Variants in AUTS2 observed in about 807,000 individuals in gnomAD.
AUTS2 encodes autism susceptibility gene 2 protein.
In AUTS2, 17 loss-of-function variants were observed where a neutral mutation model predicts 112.4. That is an observed-to-expected ratio of 0.15 (90% CI 0.10 to 0.23). The LOEUF (loss-of-function observed/expected upper bound fraction) is 0.23, where lower values mean the gene tolerates loss of function less well. Ranked by LOEUF, AUTS2 falls within the 10% of genes least tolerant of loss-of-function variation. AUTS2 has a pLI of 1.00. For missense variants in AUTS2, 1,510 were observed against 1,701.6 expected, an observed-to-expected ratio of 0.89 and a Z score of 1.98; for synonymous variants, 751 against 702.7, an observed-to-expected ratio of 1.07 and a Z score of -1.09.
chr7:70,249,764 T>C (rs1032656758), intron 4 of AUTS2, among the ~76,000 whole-genome samples: 10 of 151,912 alleles, frequency 6.6e-5, no homozygotes, highest in East Asian at 3.9e-4. Flanking sequence ...GTGGATTAGA[T>C]ACATGCAGGT....
At chr7:69,842,713 G>A (rs1008566334) in intron 1 of AUTS2, among the ~76,000 whole-genome samples, 1 of 152,122 alleles carries the variant, frequency 6.6e-6, no homozygotes, top group African/African-American at 2.4e-5. Context: ...TTTTCACTGG[G>A]ACTATTCTTT....
intron 1 of AUTS2, among the ~76,000 whole-genome samples, chr7:69,786,216 C>A (rs1197275364): frequency 6.6e-6 from 1 of 152,070 alleles, no homozygotes; most frequent in Admixed American, 6.6e-5. Flanking sequence ...TGTAGAAATG[C>A]AGCAATCAGC....
intron 7 of AUTS2, 144 bp from the exon 8 acceptor site, chr7:70,764,608 C>A: frequency 1.6e-6 from 1 of 618,064 alleles, no homozygotes; most frequent in Non-Finnish European, 2.9e-6. Context: ...AGAAAGTGTG[C>A]TCGTACAGGG....
chr7:70,571,308 T>C (rs187852517), intron 5 of AUTS2, among the ~76,000 whole-genome samples: 343 of 152,216 alleles, frequency 2.3e-3, no homozygotes, highest in African/African-American at 7.9e-3. Context: ...GCTTTATAGG[T>C]TGTTGGGAGG....
intron 1 of AUTS2, among the ~76,000 whole-genome samples, chr7:69,648,272 T>TA (rs1297081136): frequency 6.6e-6 from 1 of 152,130 alleles, no homozygotes; most frequent in Non-Finnish European, 1.5e-5. Flanking sequence ...GTATGAGTGA[T>TA]ATACAGAAGA....
At chr7:70,300,103 G>A (rs911941746) in intron 4 of AUTS2, among the ~76,000 whole-genome samples, 6 of 152,150 alleles carry the variant, frequency 3.9e-5, no homozygotes, top group African/African-American at 1.4e-4. Context: ...TTTAGAGGTA[G>A]GTAAAACATA....
At chr7:70,440,166 T>G (rs900585466) in intron 5 of AUTS2, among the ~76,000 whole-genome samples, 2 of 150,296 alleles carry the variant, frequency 1.3e-5, no homozygotes, top group African/African-American at 2.5e-5. Context: ...CAAAGTGGGC[T>G]CTTGTCTTTG....
At chr7:69,628,739 A>G (rs1743409418) in intron 1 of AUTS2, among the ~76,000 whole-genome samples, 2 of 152,160 alleles carry the variant, frequency 1.3e-5, no homozygotes, top group Non-Finnish European at 2.9e-5. Context: ...TCACGAGAAC[A>G]GCAGCAAATG....
intron 1 of AUTS2, among the ~76,000 whole-genome samples, chr7:69,813,470 C>G (rs951351458): frequency 6.6e-6 from 1 of 152,158 alleles, no homozygotes; most frequent in African/African-American, 2.4e-5. Flanking sequence ...TGCCTGCCCC[C>G]CATTGGATAG....
chr7:70,112,341 A>G (rs1298506395), intron 2 of AUTS2, among the ~76,000 whole-genome samples: 1 of 151,974 alleles, frequency 6.6e-6, no homozygotes, highest in East Asian at 1.9e-4. Flanking sequence ...TAATTTTTAC[A>G]TTTTGAAATT....
chr7:69,899,790 C>T (rs1794900831), intron 2 of AUTS2, among the ~76,000 whole-genome samples: 1 of 152,150 alleles, frequency 6.6e-6, no homozygotes, highest in Non-Finnish European at 1.5e-5. Context: ...TAACAGTTGT[C>T]AAGATGGACT....
chr7:70,111,847 CTG>C (rs1164116955), intron 2 of AUTS2, among the ~76,000 whole-genome samples: 1 of 151,984 alleles, frequency 6.6e-6, no homozygotes, highest in Non-Finnish European at 1.5e-5. Flanking sequence ...AGAAATTTAT[CTG>C]TTTTTTATTT....
intron 2 of AUTS2, among the ~76,000 whole-genome samples, chr7:70,064,510 G>A (rs569803388): frequency 6.6e-6 from 1 of 152,308 alleles, no homozygotes; most frequent in Admixed American, 6.5e-5. Flanking sequence ...CAAAACTGCT[G>A]TCTGTCATTT....
At chr7:70,466,577 G>A (rs1797173860) in intron 5 of AUTS2, among the ~76,000 whole-genome samples, 1 of 152,148 alleles carries the variant, frequency 6.6e-6, no homozygotes, top group South Asian at 2.1e-4. Context: ...TTCCTGCGAT[G>A]GTTAAGGTTT....
chr7:70,514,674 C>T (rs765850101), intron 5 of AUTS2, among the ~76,000 whole-genome samples: 1 of 152,166 alleles, frequency 6.6e-6, no homozygotes, highest in Non-Finnish European at 1.5e-5. Context: ...ACATCCAAAG[C>T]GTATCATGGG....
chr7:70,070,716 A>C (rs1802720027), intron 2 of AUTS2, among the ~76,000 whole-genome samples: 1 of 151,682 alleles, frequency 6.6e-6, no homozygotes, highest in Admixed American at 6.6e-5. Flanking sequence ...AATACAAAAA[A>C]TTAGCCGAGC....
chr7:70,766,056 G>T lies in AUTS2; in HGVS notation c.1469-58G>T. On this transcript the variant is annotated intron_variant, in intron 8 of 18. Transcript: ENST00000342771. This position sits in a 1 kb window ranked among gnomAD's most constrained non-coding sequence, Gnocchi z 4.8. ...CCCCGTACCCCTCCACAGGAAGGCA[G>T]TCCGATGTCCTTTTCTGAAGGAAAA... The T allele has an allele frequency of 1.9e-6, 3 of 1,578,256 alleles. No homozygotes were observed. Among genetic ancestry groups the T allele is most frequent in the Middle Eastern group, 1.7e-4 (1 of 5,846 alleles).
intron 5 of AUTS2, among the ~76,000 whole-genome samples, chr7:70,638,459 T>A (rs1178438821): frequency 1.3e-5 from 2 of 152,192 alleles, no homozygotes; most frequent in Non-Finnish European, 2.9e-5. Context: ...AAACTTTGCC[T>A]CATCAAGTCA....
At chr7:69,651,429 A>G (rs1795282486) in intron 1 of AUTS2, among the ~76,000 whole-genome samples, 1 of 152,190 alleles carries the variant, frequency 6.6e-6, no homozygotes, top group Non-Finnish European at 1.5e-5. Context: ...GGAACTAGTC[A>G]TTTCTGGATT....
Sources: gnomAD v4.1 joint callset for allele counts (sites outside exome capture counted in the v4.1 genomes callset) on GRCh38, gnomAD v4.1.1 for gene constraint, Gnocchi (gnomAD v3.1) non-coding constraint, MANE v1.5 for transcripts, NCBI Gene and HGNC (gene_info 2026-07-23, HGNC 2026-07-21) for gene names.